Variants in AGA observed in about 807,000 individuals in gnomAD.
AGA encodes the protein N(4)-(beta-N-acetylglucosaminyl)-L-asparaginase.
A neutral mutation model predicts 40.1 loss-of-function variants in AGA; 31 were observed. The ratio of observed to expected loss-of-function variants is 0.77; its 90% CI spans 0.58 to 1.04. The LOEUF (loss-of-function observed/expected upper bound fraction) is 1.04, where lower values mean the gene tolerates loss of function less well. Among genes scored for constraint, AGA ranks in the 50% least tolerant of loss-of-function variants. The pLI, the probability that AGA is intolerant of heterozygous loss-of-function variation, is 0.00. For missense variants in AGA, 445 were observed against 435.4 expected (o/e 1.02, Z -0.20); for synonymous variants, 148 against 144.0 (o/e 1.03, Z -0.20).
intron 3 of AGA, 54 bp from the exon 4 acceptor site, chr4:177,438,911 A>T (rs771619882): frequency 2.8e-6 from 3 of 1,078,674 alleles, no homozygotes; most frequent in Non-Finnish European, 4.3e-6. Context: ...TCTTTTCAAC[A>T]AAAATATATG....
rs1055775313 is a variant in AGA at position 177,431,332 on chromosome 4, A to G, written c.*376T>C. ...CTCTGCTGTTTTTTTCTTTGGGTCT[A>G]AAAAACTTGTATACTCTATTTTAAG... On this transcript the variant is annotated 3_prime_UTR_variant, in exon 9 of 9. Transcript: ENST00000264595. 2.7e-5 allele frequency: 12 copies of G among 449,364 alleles called. No homozygotes were observed. The highest frequency in any genetic ancestry group is 7.4e-5 in the Admixed American group (3 of 40,756). The allele number at this position is 449,364 out of a possible 1,614,324, so 27.8% of individuals were successfully genotyped here. A position where few individuals can be genotyped will look rare whatever the true frequency, so the allele number is the denominator to read the frequency against.
chr4:177,439,714 G>A (rs1215504815), intron 2 of AGA, 26 bp from the exon 3 acceptor site: 1 of 1,506,184 alleles, frequency 6.6e-7, no homozygotes, highest in Non-Finnish European at 9.2e-7. Context: ...ATGCAGTTAG[G>A]AATTAAGGAG....
chr4:177,439,848 T>A (rs770153248), intron 2 of AGA, among the ~76,000 whole-genome samples, 160 bp from the exon 3 acceptor site: 4 of 90,368 alleles, frequency 4.4e-5, no homozygotes. Flanking sequence ...ATTCCCACAA[T>A]CAGACAAAAT....
chr4:177,440,217 A>C, intron 2 of AGA, 56 bp downstream of exon 2: 1 of 1,600,412 alleles, frequency 6.2e-7, no homozygotes, highest in Non-Finnish European at 8.6e-7. Flanking sequence ...CTCTCAGAAG[A>C]CCACAACTCT....
intron 6 of AGA, 46 bp from the exon 7 acceptor site, chr4:177,434,535 A>G: frequency 6.8e-7 from 1 of 1,481,008 alleles, no homozygotes; most frequent in Non-Finnish European, 9.4e-7. Context: ...CGAGTGTAAA[A>G]CACATTAAGT....
In AGA at chr4:177,431,514, AT is replaced by A. The variant is rs1217403961; in HGVS notation, c.*193del. On this transcript the variant is annotated 3_prime_UTR_variant, in exon 9 of 9. Coordinates refer to ENST00000264595, the MANE Select transcript of AGA (RefSeq NM_000027.4). ...ACATACATATTCATCTTCAGATAAT[AT>A]AAGAAAGGTTAAATAAAAATAGATA... is the stretch of plus-strand genomic sequence containing the variant. The A allele has an allele frequency of 1.5e-6, 1 of 645,444 alleles. No homozygotes were observed. The highest frequency in any genetic ancestry group is 2.3e-5 in the Admixed American group (1 of 43,272). The allele number at this position is 645,444 out of a possible 1,614,324, so 40.0% of individuals were successfully genotyped here. A position where few individuals can be genotyped will look rare whatever the true frequency, so the allele number is the denominator to read the frequency against.
rs752839702 is a variant in AGA at position 177,433,301 on chromosome 4, C to T, written c.853G>A (p.Ala285Thr). 5 of 1,614,062 alleles carry T rather than the reference C, an allele frequency of 3.1e-6. No homozygotes were observed. The highest frequency in any genetic ancestry group is 2.2e-5 in the East Asian group (1 of 44,848). The change falls in exon 8 of 9, where the codon GCT becomes ACT. Residue 285 changes from alanine (A) to threonine (T), a missense_variant. Transcript: ENST00000264595. ...YMRRGEDPTI[A>T]CQKVISRIQK... ...ATTCTTGAAATCACTTTTTGGCAAG[C>T]TATGGTTGGATCTTCTCCTCTTCTC... is the stretch of plus-strand genomic sequence containing the variant.
chr4:177,442,218 G>A, intron 1 of AGA, 31 bp downstream of exon 1: 2 of 1,611,522 alleles, frequency 1.2e-6, no homozygotes, highest in Non-Finnish European at 1.7e-6. Flanking sequence ...CTCTCGCGGC[G>A]CAGCCGCCCG....
In AGA at chr4:177,442,358, G is replaced by T; in HGVS notation, c.18C>A (p.Asn6Lys). ...GAAACGGCACGAGAAGCACAGGCAA[G>T]TTCGACTTCCGCGCCATCCCTGACC... MARKS[N>K]LPVLLVPFLL... The change falls in exon 1 of 9, where the codon AAC (asparagine) becomes AAA (lysine). Residue 6 changes from asparagine (N) to lysine (K), a missense_variant. By Grantham distance (94) the Asn-to-Lys change is moderately conservative (BLOSUM62 0). Transcript: ENST00000264595. 1 of 1,614,108 alleles carries T rather than the reference G, an allele frequency of 6.2e-7. No homozygotes were observed. Among genetic ancestry groups the T allele is most frequent in the Non-Finnish European group, 8.5e-7 (1 of 1,179,956 alleles).
intron 4 of AGA, 69 bp from the exon 5 acceptor site, chr4:177,437,588 A>G: frequency 2.7e-6 from 3 of 1,099,234 alleles, no homozygotes; most frequent in Non-Finnish European, 4.1e-6. Context: ...AATTATGTAC[A>G]ATCGCTAAAC....
In AGA at chr4:177,436,361, A is replaced by G. The variant is rs1427377508; in HGVS notation, c.623-10T>C. 2.2e-6 allele frequency: 1 copy of G among 458,392 alleles called. No individual in the cohort carries two copies. The highest frequency in any genetic ancestry group is 6.7e-5 in the South Asian group (1 of 14,964). 28.4% of individuals were successfully genotyped at this position (458,392 alleles called of 1,614,324 possible). ...TGGATTACAACCATGCCTAGAAGTTAAAAAAAAAAAATCACTGTAGGTGTA... is the reference window on the plus strand; with the variant it reads ...TGGATTACAACCATGCCTAGAAGTTGAAAAAAAAAAATCACTGTAGGTGTA... On this transcript the variant is annotated splice_polypyrimidine_tract_variant and intron_variant, in intron 5 of 8. Coordinates refer to ENST00000264595, the MANE Select transcript of AGA (RefSeq NM_000027.4).
intron 4 of AGA, among the ~76,000 whole-genome samples, chr4:177,437,759 A>G (rs573578391): frequency 6.6e-6 from 1 of 152,288 alleles, no homozygotes; most frequent in African/African-American, 2.4e-5. Context: ...TCTATATTGC[A>G]TGACACAGGT....
At chr4:177,438,637 C>T in intron 4 of AGA, 108 bp downstream of exon 4, 1 of 780,104 alleles carries the variant, frequency 1.3e-6, no homozygotes, top group Non-Finnish European at 2.2e-6. Flanking sequence ...TAATGTACAG[C>T]CAGGATGCTA....
Position 177,440,337 on chromosome 4 carries a change from C to G in AGA, c.217G>C (p.Val73Leu). 1 of 1,614,096 alleles carries G rather than the reference C, an allele frequency of 6.2e-7. No homozygotes were observed. Among genetic ancestry groups the G allele is most frequent in the Non-Finnish European group, 8.5e-7 (1 of 1,180,024 alleles). ...TCATCAGGACTTCCTCCAAAGCCTA[C>G]AGAGCCGTCACACTGCTCTCTCTCA... Reference protein sequence around the residue: ...MCEREQCDGSVGFGGSPDELG... With the variant: ...MCEREQCDGSLGFGGSPDELG... Residue 73 changes from valine (V) to leucine (L), a missense_variant, in exon 2 of 9, where the codon GTA (valine) becomes CTA (leucine). Transcript: ENST00000264595.
chr4:177,434,309 A>G (rs1293588503), intron 7 of AGA, 73 bp downstream of exon 7: 3 of 1,439,552 alleles, frequency 2.1e-6, no homozygotes, highest in Admixed American at 3.4e-5. Flanking sequence ...AGCCTCAAAA[A>G]TTATTTTCTA....
chr4:177,435,506 T>C (rs77973413), intron 6 of AGA, among the ~76,000 whole-genome samples: 1,646 of 152,318 alleles, frequency 0.011, 27 homozygotes, highest in Admixed American at 0.051. Flanking sequence ...GTTTCCCTCA[T>C]CTATAATCTA....
At position 177,430,900 on chromosome 4, in the gene AGA, G is replaced by A; in HGVS notation, c.*808C>T. 2 of 454,112 alleles carry A rather than the reference G, an allele frequency of 4.4e-6. No individual in the cohort carries two copies. The highest frequency in any genetic ancestry group is 6.9e-4 in the Middle Eastern group (1 of 1,444). 28.1% of individuals were successfully genotyped at this position (454,112 alleles called of 1,614,324 possible). ...TTGTCATACAGAGAGTTAATCAGAA[G>A]TTAGGGAAACAAACCAAGCTAAACA... On this transcript the variant is annotated 3_prime_UTR_variant, in exon 9 of 9. Transcript: ENST00000264595.
chr4:177,440,505 T>G, intron 1 of AGA, 79 bp from the exon 2 acceptor site: 9 of 1,480,402 alleles, frequency 6.1e-6, no homozygotes, highest in Non-Finnish European at 8.3e-6. Context: ...CAACTCCAAT[T>G]TAACAACTTT....
chr4:177,435,708 C>T (rs1430075606), intron 6 of AGA, among the ~76,000 whole-genome samples: 1 of 152,032 alleles, frequency 6.6e-6, no homozygotes, highest in Admixed American at 6.6e-5. Context: ...TACACACACA[C>T]CCCCACACCC....
Sources: allele counts gnomAD v4.1 joint callset (sites outside exome capture counted in the v4.1 genomes callset), GRCh38; gene constraint gnomAD v4.1.1; transcripts MANE v1.5; gene names NCBI Gene and HGNC (gene_info 2026-07-23, HGNC 2026-07-21).